CPNE4: variants seen among roughly 807,000 people sequenced by gnomAD.
The protein encoded by CPNE4 is copine 4.
A neutral mutation model predicts 67.9 loss-of-function variants in CPNE4; 25 were observed. That is an observed-to-expected ratio of 0.37 (90% CI 0.27 to 0.51). The LOEUF (loss-of-function observed/expected upper bound fraction) is 0.51, where lower values mean the gene tolerates loss of function less well. Among genes scored for constraint, CPNE4 ranks in the 20% least tolerant of loss-of-function variants. The pLI is 0.93. For synonymous variants in CPNE4, 242 were observed against 244.9 expected, an observed-to-expected ratio of 0.99 and a Z score of 0.11; for missense variants, 464 against 690.8, an observed-to-expected ratio of 0.67 and a Z score of 3.68.
intron 10 of CPNE4, among the ~76,000 whole-genome samples, chr3:131,566,004 C>T (rs554351834): frequency 3.8e-4 from 58 of 152,030 alleles, no homozygotes; most frequent in Middle Eastern, 6.8e-3. Context: ...ACTCCATTTT[C>T]ATGTGACATA....
At chr3:131,966,864 C>T (rs1215157950) in intron 1 of CPNE4, among the ~76,000 whole-genome samples, 1 of 152,184 alleles carries the variant, frequency 6.6e-6, no homozygotes, top group Non-Finnish European at 1.5e-5. Context: ...GGACACCTCC[C>T]TAACTCATTT....
At chr3:131,985,372 C>T (rs1440632264) in intron 1 of CPNE4, among the ~76,000 whole-genome samples, 1 of 152,144 alleles carries the variant, frequency 6.6e-6, no homozygotes, top group African/African-American at 2.4e-5. Flanking sequence ...CTCCTGGGGA[C>T]CCAACCAAAG....
At position 131,810,065 on chromosome 3, in the gene CPNE4, T is replaced by C. The variant is rs144983183; in HGVS notation, c.181-86440A>G. 1.1e-3 allele frequency among the ~76,000 whole-genome samples: 160 copies of C among 152,116 alleles called. 2 individuals are homozygous for C. The highest frequency in any genetic ancestry group is 3.7e-3 in the African/African-American group (154 of 41,566). ...GAGAACTCATAAACATATAATGATATTAATGCTTTAAATGTGAAACCTGGA... is the reference window on the plus strand; with the variant it reads ...GAGAACTCATAAACATATAATGATACTAATGCTTTAAATGTGAAACCTGGA... On this transcript the variant is annotated intron_variant, in intron 2 of 15. Transcript: ENST00000429747.
intron 1 of CPNE4, among the ~76,000 whole-genome samples, chr3:131,982,277 T>C (rs772910267): frequency 6.6e-6 from 1 of 152,212 alleles, no homozygotes; most frequent in Admixed American, 6.5e-5. Context: ...GTTAAAAAAT[T>C]TATGTATATA....
intron 7 of CPNE4, among the ~76,000 whole-genome samples, chr3:131,597,593 T>TA (rs1363482409): frequency 6.6e-6 from 1 of 152,224 alleles, no homozygotes; most frequent in Non-Finnish European, 1.5e-5. Flanking sequence ...TCACATAACG[T>TA]AACTGCTGCT....
intron 2 of CPNE4, among the ~76,000 whole-genome samples, chr3:131,864,826 G>A (rs894932376): frequency 2.6e-5 from 4 of 151,932 alleles, no homozygotes. Flanking sequence ...CCATTCAGTA[G>A]GATATTGGCT....
intron 5 of CPNE4, among the ~76,000 whole-genome samples, chr3:131,694,401 C>A (rs1016178832): frequency 2.0e-5 from 3 of 152,102 alleles, no homozygotes; most frequent in African/African-American, 7.2e-5. Flanking sequence ...ATTTCTATCA[C>A]AAAAATATTG....
intron 1 of CPNE4, among the ~76,000 whole-genome samples, chr3:132,016,176 C>A (rs1232855214): frequency 6.6e-6 from 1 of 152,096 alleles, no homozygotes; most frequent in Non-Finnish European, 1.5e-5. Context: ...CGTATTACAC[C>A]CTGGATTGAA....
intron 7 of CPNE4, among the ~76,000 whole-genome samples, chr3:131,653,704 G>C (rs551998527): frequency 3.3e-5 from 5 of 152,306 alleles, no homozygotes; most frequent in East Asian, 3.9e-4. Flanking sequence ...ACGTTAAAAT[G>C]CTGCAGCATT....
chr3:131,680,253 C>CTT (rs34739453), intron 6 of CPNE4, among the ~76,000 whole-genome samples: 2,489 of 144,054 alleles, frequency 0.017, 48 homozygotes, highest in African/African-American at 0.045. Flanking sequence ...GCAACCCCTG[C>CTT]TTTTTTTTTT....
intron 1 of CPNE4, among the ~76,000 whole-genome samples, chr3:131,964,848 C>T (rs1188069851): frequency 6.6e-6 from 1 of 152,084 alleles, no homozygotes; most frequent in African/African-American, 2.4e-5. Context: ...GACAGGCCAA[C>T]ATTCAAATTC....
At chr3:131,792,711 GTA>G (rs1407332682) in intron 2 of CPNE4, among the ~76,000 whole-genome samples, 3 of 103,726 alleles carry the variant, frequency 2.9e-5, no homozygotes, top group African/African-American at 4.1e-5. Context: ...ACACACACGT[GTA>G]TATATGTATA....
At chr3:131,736,278 T>A (rs551704634) in intron 2 of CPNE4, among the ~76,000 whole-genome samples, 8 of 152,192 alleles carry the variant, frequency 5.3e-5, no homozygotes, top group Non-Finnish European at 1.2e-4. Context: ...CTAAAAGACT[T>A]CCTCTTGAAA....
chr3:131,896,407 C>T (rs2088333407), intron 2 of CPNE4, among the ~76,000 whole-genome samples: 1 of 151,892 alleles, frequency 6.6e-6, no homozygotes, highest in Non-Finnish European at 1.5e-5. Flanking sequence ...TTAAATGAAA[C>T]CAAACTAATA....
intron 2 of CPNE4, among the ~76,000 whole-genome samples, chr3:131,792,857 A>G (rs903776946): frequency 6.7e-6 from 1 of 148,558 alleles, no homozygotes; most frequent in Admixed American, 6.8e-5. Context: ...ACATACATAC[A>G]TACACACATA....
At chr3:131,611,296 A>C (rs1939826976) in intron 7 of CPNE4, among the ~76,000 whole-genome samples, 2 of 152,174 alleles carry the variant, frequency 1.3e-5, no homozygotes, top group African/African-American at 4.8e-5. Flanking sequence ...AGGACCATTA[A>C]ATTTATCACT....
At chr3:131,695,837 T>C (rs2081143001) in intron 5 of CPNE4, among the ~76,000 whole-genome samples, 1 of 152,236 alleles carries the variant, frequency 6.6e-6, no homozygotes, top group Non-Finnish European at 1.5e-5. Flanking sequence ...CCAGGTAGAA[T>C]AAGTTGGCCT....
intron 1 of CPNE4, among the ~76,000 whole-genome samples, chr3:131,977,494 C>T (rs966391886): frequency 2.6e-5 from 4 of 152,030 alleles, no homozygotes; most frequent in African/African-American, 7.2e-5. Flanking sequence ...AGTGAATTTA[C>T]ATTTGACAAT....
chr3:131,848,015 T>G (rs1340595614), intron 2 of CPNE4, among the ~76,000 whole-genome samples: 1 of 152,208 alleles, frequency 6.6e-6, no homozygotes, highest in African/African-American at 2.4e-5. Context: ...AAGACTTGTA[T>G]GTCCACTTTT....
Sources: gnomAD v4.1 joint callset for allele counts (sites outside exome capture counted in the v4.1 genomes callset) on GRCh38, gnomAD v4.1.1 for gene constraint, MANE v1.5 for transcripts, NCBI Gene and HGNC (gene_info 2026-07-23, HGNC 2026-07-21) for gene names.